Variants in FGGY observed in about 807,000 individuals in gnomAD.
FGGY encodes FGGY carbohydrate kinase domain containing, also known as FGGY carbohydrate kinase domain-containing protein.
In FGGY, 72 loss-of-function variants were observed where a neutral mutation model predicts 71.3. That is an observed-to-expected ratio of 1.01 (90% CI 0.84 to 1.23). The LOEUF (loss-of-function observed/expected upper bound fraction) is 1.23, where lower values mean the gene tolerates loss of function less well. FGGY is among the 50% of genes most tolerant of loss of function. FGGY has a pLI of 0.00. For missense variants in FGGY, 668 were observed against 682.3 expected (o/e 0.98, Z 0.23); for synonymous variants, 251 against 250.3 (o/e 1.00, Z -0.02).
intron 4 of FGGY, among the ~76,000 whole-genome samples, chr1:59,365,074 A>C (rs2056339636): frequency 6.6e-6 from 1 of 152,200 alleles, no homozygotes; most frequent in Non-Finnish European, 1.5e-5. Context: ...AGTTGGAGGT[A>C]CAGTGGGACA....
At chr1:59,504,876 C>G (rs1211319005) in intron 6 of FGGY, among the ~76,000 whole-genome samples, 2 of 152,106 alleles carry the variant, frequency 1.3e-5, no homozygotes, top group Non-Finnish European at 2.9e-5. Context: ...GATCTCTCGT[C>G]TTAAAAAAAC....
intron 14 of FGGY, among the ~76,000 whole-genome samples, chr1:59,715,052 T>G (rs2097834014): frequency 6.6e-6 from 1 of 152,208 alleles, no homozygotes; most frequent in Admixed American, 6.5e-5. Context: ...AAAAGCCCTT[T>G]CTTTCGTTGC....
chr1:59,438,036 G>A (rs2068865557), intron 5 of FGGY, among the ~76,000 whole-genome samples: 1 of 152,234 alleles, frequency 6.6e-6, no homozygotes, highest in South Asian at 2.1e-4. Context: ...AGGCTAAAGT[G>A]AAGAAATACG....
chr1:59,501,713 T>C (rs538528651), intron 6 of FGGY, among the ~76,000 whole-genome samples: 2 of 152,368 alleles, frequency 1.3e-5, no homozygotes, highest in South Asian at 4.1e-4. Context: ...TCTGAAGGCA[T>C]GCCGTGGAGA....
In FGGY at chr1:59,629,916, T is replaced by C. The variant is rs116520246; in HGVS notation, c.1073+3867T>C. Among the ~76,000 whole-genome samples the C allele has an allele frequency of 8.3e-3, 1,260 of 152,306 alleles. 21 individuals carry two copies. The highest frequency in any genetic ancestry group is 0.029 in the African/African-American group (1,201 of 41,564). Reference sequence around the variant, plus strand: ...AACTGAATTGTGACAATAATGATGATCACTACTACTCTGTTAGTCCATTCT... The same window carrying C: ...AACTGAATTGTGACAATAATGATGACCACTACTACTCTGTTAGTCCATTCT... On this transcript the variant is annotated intron_variant, in intron 10 of 15. Transcript: ENST00000303721.
chr1:59,608,287 T>A (rs985796133), intron 9 of FGGY, among the ~76,000 whole-genome samples: 4 of 152,120 alleles, frequency 2.6e-5, no homozygotes, highest in African/African-American at 9.7e-5. Context: ...CATTATACAC[T>A]TCATGGTCTA....
intron 14 of FGGY, among the ~76,000 whole-genome samples, chr1:59,728,639 T>C (rs61788951): frequency 0.072 from 11,015 of 152,108 alleles, 491 homozygotes; most frequent in Middle Eastern, 0.16. Context: ...GTTTGAAGGA[T>C]AGTTTCATTG....
At chr1:59,336,643 T>C (rs961471531) in intron 2 of FGGY, among the ~76,000 whole-genome samples, 3 of 152,016 alleles carry the variant, frequency 2.0e-5, no homozygotes, top group African/African-American at 7.3e-5. Flanking sequence ...TCCCTCCCCT[T>C]GCCCCGCACC....
intron 7 of FGGY, among the ~76,000 whole-genome samples, chr1:59,517,191 C>T (rs1038303538): frequency 2.0e-5 from 3 of 151,434 alleles, no homozygotes; most frequent in South Asian, 2.1e-4. Flanking sequence ...TCCAGCACCC[C>T]AACTGCCCTG....
chr1:59,613,689 A>G (rs2096716760), intron 9 of FGGY, among the ~76,000 whole-genome samples: 2 of 152,226 alleles, frequency 1.3e-5, no homozygotes, highest in South Asian at 4.1e-4. Context: ...AAACCCTTCA[A>G]AAAATCGATG....
In FGGY at chr1:59,757,983, A is replaced by G. The variant is rs138656316; in HGVS notation, c.1565A>G (p.Gln522Arg). The change falls in exon 15 of 16, where the codon CAG becomes CGG. Residue 522 changes from glutamine to arginine, a missense_variant. This residue lies in a region of FGGY where 661 missense variants were observed against 661.6 expected (regional missense o/e 1.00). Transcript: ENST00000303721. ...KVGKVVFPRLQDKKYYDKKYQ... is the reference protein window; with the variant it reads ...KVGKVVFPRLRDKKYYDKKYQ... ...GGGAAAGTTGTGTTCCCGAGACTAC[A>G]GGATAAAAAGTAAGTGTGTATTTTT... 1.3e-5 allele frequency: 21 copies of G among 1,612,416 alleles called. No individual in the cohort carries two copies. The African/African-American group carries it at 1.5e-4, about 11-fold the overall frequency.
intron 11 of FGGY, among the ~76,000 whole-genome samples, chr1:59,643,781 T>C (rs12077114): frequency 0.015 from 2,235 of 152,302 alleles, 54 homozygotes; most frequent in African/African-American, 0.05. Flanking sequence ...ATTTACTTTT[T>C]AAAATATCAA....
At chr1:59,637,314 A>G (rs1351794959) in intron 10 of FGGY, among the ~76,000 whole-genome samples, 1 of 152,144 alleles carries the variant, frequency 6.6e-6, no homozygotes, top group Non-Finnish European at 1.5e-5. Flanking sequence ...CCCTCATTCT[A>G]CACATGAAGA....
chr1:59,412,349 GT>G (rs1413551029), intron 5 of FGGY, among the ~76,000 whole-genome samples: 3 of 152,162 alleles, frequency 2.0e-5, no homozygotes, highest in Admixed American at 2.0e-4. Flanking sequence ...TACAGTTCAT[GT>G]GGCTTGGGGT....
intron 5 of FGGY, among the ~76,000 whole-genome samples, chr1:59,431,875 A>G (rs942840387): frequency 2.0e-5 from 3 of 152,198 alleles, no homozygotes; most frequent in Non-Finnish European, 4.4e-5. Context: ...CAGAGCTTCT[A>G]AATCCCTTGG....
At chr1:59,458,775 G>C (rs2091939723) in intron 6 of FGGY, among the ~76,000 whole-genome samples, 1 of 152,136 alleles carries the variant, frequency 6.6e-6, no homozygotes, top group Admixed American at 6.6e-5. Context: ...AAAATTAATT[G>C]TGTGATGTTT....
intron 8 of FGGY, among the ~76,000 whole-genome samples, chr1:59,589,806 A>G (rs1280565424): frequency 2.0e-5 from 3 of 152,192 alleles, no homozygotes; most frequent in Admixed American, 2.0e-4. Context: ...AGGGAAATTT[A>G]TAGCACTAAA....
At chr1:59,751,575 A>G (rs1339068121) in intron 14 of FGGY, among the ~76,000 whole-genome samples, 1 of 152,196 alleles carries the variant, frequency 6.6e-6, no homozygotes, top group Non-Finnish European at 1.5e-5. Context: ...GTAAAAGTAC[A>G]CTATATGTCT....
intron 11 of FGGY, among the ~76,000 whole-genome samples, chr1:59,650,390 A>G (rs1483534408): frequency 4.1e-5 from 5 of 122,256 alleles, no homozygotes; most frequent in Admixed American, 2.5e-4. Context: ...TGGACTTTTT[A>G]TGGTTGGTAA....
Sources: allele counts gnomAD v4.1 joint callset (sites outside exome capture counted in the v4.1 genomes callset), GRCh38; gene constraint gnomAD v4.1.1; regional missense constraint gnomAD v4.1.1; transcripts MANE v1.5; gene names NCBI Gene and HGNC (gene_info 2026-07-23, HGNC 2026-07-21).